The following LRCH1 variants were observed in gnomAD, a reference collection of about 807,000 sequenced individuals.
LRCH1 encodes the protein leucine-rich repeat and calponin homology domain-containing protein 1.
In LRCH1, 23 loss-of-function variants were observed where a neutral mutation model predicts 94.9. That is an observed-to-expected ratio of 0.24 (90% CI 0.17 to 0.34). The LOEUF is 0.34. LRCH1 is among the 10% of genes least tolerant of loss of function. LRCH1 has a pLI of 1.00. For missense variants in LRCH1, 790 were observed against 945.9 expected, an observed-to-expected ratio of 0.84 and a Z score of 2.16; for synonymous variants, 364 against 354.9, an observed-to-expected ratio of 1.03 and a Z score of -0.29.
At chr13:46,651,873 GTTT>G (rs1170289609) in intron 2 of LRCH1, among the ~76,000 whole-genome samples, 1 of 118,676 alleles carries the variant, frequency 8.4e-6, no homozygotes, top group African/African-American at 3.4e-5. Flanking sequence ...CTGATGTTTT[GTTT>G]TTTTTGTTTT....
At chr13:46,750,161 C>T (rs752126154) in intron 18 of LRCH1, among the ~76,000 whole-genome samples, 5 of 152,000 alleles carry the variant, frequency 3.3e-5, no homozygotes, top group African/African-American at 7.3e-5. Context: ...ATTTGAGTGC[C>T]TTTAAAATGT....
Position 46,679,455 on chromosome 13 carries a change from C to T in LRCH1, c.580-2286C>T, listed in dbSNP as rs545678503. On this transcript the variant is annotated intron_variant, in intron 3 of 19. Transcript: ENST00000389797. ...CTCTTCTCCCATGTGGAAATACATT[C>T]GGAAAGGCAGGGCAATTTACTGACT... Among the ~76,000 whole-genome samples, 10 of 152,322 alleles carry T rather than the reference C, an allele frequency of 6.6e-5. No individual in the cohort carries two copies. In the East Asian group the frequency reaches 1.5e-3, roughly 23 times the overall value.
chr13:46,605,582 A>T (rs1200769668), intron 1 of LRCH1, among the ~76,000 whole-genome samples: 2 of 151,974 alleles, frequency 1.3e-5, no homozygotes, highest in East Asian at 3.9e-4. Flanking sequence ...CTTCTTTTTT[A>T]AAAATAATCA....
At chr13:46,735,998 T>C (rs1282645564) in intron 19 of LRCH1, among the ~76,000 whole-genome samples, 1 of 152,002 alleles carries the variant, frequency 6.6e-6, no homozygotes, top group Admixed American at 6.6e-5. Context: ...GGTTTTACCA[T>C]GTTGGCCAGG....
chr13:46,622,689 GA>G (rs572184725), intron 1 of LRCH1, among the ~76,000 whole-genome samples: 49 of 152,258 alleles, frequency 3.2e-4, no homozygotes, highest in Admixed American at 2.8e-3. Flanking sequence ...CAGGAAAAAG[GA>G]AATTCTATTT....
At chr13:46,560,662 T>G (rs1189684802) in intron 1 of LRCH1, among the ~76,000 whole-genome samples, 2 of 152,216 alleles carry the variant, frequency 1.3e-5, no homozygotes, top group Non-Finnish European at 1.5e-5. Flanking sequence ...AGTCTTTTGT[T>G]GCATGAAAGA....
chr13:46,738,551 G>GT (rs1483335693), intron 19 of LRCH1, among the ~76,000 whole-genome samples: 8 of 152,044 alleles, frequency 5.3e-5, no homozygotes, highest in Non-Finnish European at 8.8e-5. Flanking sequence ...TGAAGCTACT[G>GT]TTTTTTTGTT....
At position 46,695,012 on chromosome 13, in the gene LRCH1, T is replaced by C. The variant is rs769296357; in HGVS notation, c.1240T>C (p.Tyr414His). 6.2e-7 allele frequency: 1 copy of C among 1,613,242 alleles called. No individual in the cohort carries two copies. The highest frequency in any genetic ancestry group is 8.5e-7 in the Non-Finnish European group (1 of 1,179,712). The change falls in exon 9 of 20, where the codon TAT (tyrosine) becomes CAT (histidine). Residue 414 changes from tyrosine (Y) to histidine (H), a missense_variant. Physicochemically the swap from Tyr to His is moderately conservative, Grantham distance 83. Around this residue, in one of 3 missense-constraint regions of LRCH1, gnomAD observed 460 missense variants for 508.9 expected, o/e 0.90. Transcript: ENST00000389797. The part of the protein sequence containing the change: ...ADGLHSEFMN[Y>H]KARAEDCEEL... ...TGGTCTCCATTCGGAATTTATGAAC[T>C]ATAAGGCAAGATTTTCAGGATCAAC...
chr13:46,673,640 G>A (rs1275698272), intron 3 of LRCH1, among the ~76,000 whole-genome samples: 1 of 152,122 alleles, frequency 6.6e-6, no homozygotes, highest in Admixed American at 6.5e-5. Flanking sequence ...GCCCTTTAGC[G>A]CCGAGACAGT....
intron 11 of LRCH1, among the ~76,000 whole-genome samples, chr13:46,701,849 G>A (rs1351276214): frequency 1.3e-5 from 2 of 152,160 alleles, no homozygotes; most frequent in African/African-American, 4.8e-5. Flanking sequence ...GATCTCTAGA[G>A]AACTAGAGGA....
chr13:46,727,492 G>A (rs1387392344), intron 17 of LRCH1, among the ~76,000 whole-genome samples: 1 of 152,136 alleles, frequency 6.6e-6, no homozygotes, highest in East Asian at 1.9e-4. Context: ...GAAGGAAGGG[G>A]ATGTCTCTAT....
At chr13:46,558,776 T>C (rs1360490266) in intron 1 of LRCH1, among the ~76,000 whole-genome samples, 2 of 151,966 alleles carry the variant, frequency 1.3e-5, no homozygotes, top group Non-Finnish European at 2.9e-5. Context: ...TAAGATTCTG[T>C]GAATAAAAGA....
At chr13:46,594,653 A>G (rs1165519966) in intron 1 of LRCH1, among the ~76,000 whole-genome samples, 2 of 152,162 alleles carry the variant, frequency 1.3e-5, no homozygotes, top group Non-Finnish European at 2.9e-5. Flanking sequence ...TTTAATATTT[A>G]AAGTTTCTCG....
rs369125299 is a variant in LRCH1 at position 46,723,276 on chromosome 13, G to A, written c.1815G>A (p.Arg605=). The change falls in exon 17 of 20, where the codon CGG becomes CGA. Residue 605 remains arginine, a synonymous_variant. Transcript: ENST00000389797. The part of the protein sequence containing the change: ...LESIDPQFTI[R]RKMEQMREEK... ...CTATAGACCCGCAGTTTACAATCCG[G>A]AGGAAAATGGAGCAGATGAGAGAAG... The A allele has an allele frequency of 5.6e-6, 9 of 1,613,808 alleles. No individual in the cohort carries two copies. The highest frequency in any genetic ancestry group is 4.0e-5 in the African/African-American group (3 of 74,910).
At chr13:46,646,052 T>C (rs1489825103) in intron 1 of LRCH1, among the ~76,000 whole-genome samples, 2 of 152,238 alleles carry the variant, frequency 1.3e-5, no homozygotes, top group Admixed American at 1.3e-4. Context: ...AAGACCACTA[T>C]GTCTAGTAAA....
At chr13:46,631,248 C>T (rs529019763) in intron 1 of LRCH1, among the ~76,000 whole-genome samples, 12 of 152,316 alleles carry the variant, frequency 7.9e-5, no homozygotes, top group African/African-American at 2.6e-4. Flanking sequence ...CTTGCCATGC[C>T]GTCTCATTGC....
chr13:46,677,443 A>G (rs913946018), intron 3 of LRCH1, among the ~76,000 whole-genome samples: 1 of 152,138 alleles, frequency 6.6e-6, no homozygotes, highest in Non-Finnish European at 1.5e-5. Context: ...ACAAAACAAA[A>G]CAAAAAAAAC....
chr13:46,731,251 T>A (rs893261995), intron 18 of LRCH1, among the ~76,000 whole-genome samples: 2 of 152,144 alleles, frequency 1.3e-5, no homozygotes, highest in Non-Finnish European at 2.9e-5. Context: ...TTCTCTTTTT[T>A]TTCTGGAGAT....
At chr13:46,576,153 A>C (rs1350905343) in intron 1 of LRCH1, among the ~76,000 whole-genome samples, 1 of 152,168 alleles carries the variant, frequency 6.6e-6, no homozygotes, top group African/African-American at 2.4e-5. Context: ...GCTGGATTAG[A>C]CATTTGCCGT....
Sources: gnomAD v4.1 joint callset for allele counts (sites outside exome capture counted in the v4.1 genomes callset) on GRCh38, gnomAD v4.1.1 for gene constraint, gnomAD v4.1.1 regional missense constraint, MANE v1.5 for transcripts, NCBI Gene and HGNC (gene_info 2026-07-23, HGNC 2026-07-21) for gene names.